The following PTER variants were observed in gnomAD, a reference collection of about 807,000 sequenced individuals.
PTER encodes phosphotriesterase related, also known as N-acetyltaurine hydrolase.
A neutral mutation model predicts 29.6 loss-of-function variants in PTER; 38 were observed. The observed-to-expected ratio is 1.28, with a 90% CI of 0.99 to 1.68. The LOEUF (loss-of-function observed/expected upper bound fraction) is 1.68. PTER is among the 40% of genes most tolerant of loss of function. The probability of loss-of-function intolerance (pLI) is 0.00; values close to 1 mark genes in which losing one functional copy is unlikely to be tolerated. For synonymous variants in PTER, 172 were observed against 154.5 expected (o/e 1.11, Z -0.84); for missense variants, 482 against 427.8 (o/e 1.13, Z -1.12).
chr10:16,482,210 C>T (rs1157400667), intron 1 of PTER, among the ~76,000 whole-genome samples: 1 of 152,202 alleles, frequency 6.6e-6, no homozygotes, highest in African/African-American at 2.4e-5. Flanking sequence ...ATATCGCAAA[C>T]ACCTGAGTTC....
In PTER at chr10:16,461,987, A is replaced by AT. The variant is rs1329900704; in HGVS notation, c.-48-22335dup. On this transcript the variant is annotated intron_variant, in intron 1 of 4. Transcript: ENST00000535784. ...GGAAGCCATGACCGTATTTCCTAGG[A>AT]TTTTTTTTTTTTTTTGAGACGAAGT... 8.6e-3 allele frequency among the ~76,000 whole-genome samples: 1,180 copies of AT among 137,670 alleles called. 11 individuals carry two copies. The highest frequency in any genetic ancestry group is 0.012 in the African/African-American group (460 of 37,594). 90.3% of individuals were successfully genotyped at this position (137,670 alleles called of 152,430 possible).
intron 1 of PTER, among the ~76,000 whole-genome samples, chr10:16,472,565 A>G (rs1835093731): frequency 6.6e-6 from 1 of 152,154 alleles, no homozygotes; most frequent in Admixed American, 6.5e-5. Flanking sequence ...AGTCCTCCCC[A>G]GCCATATGGA....
chr10:16,462,782 G>A (rs7896239), intron 1 of PTER, among the ~76,000 whole-genome samples: 38,556 of 151,248 alleles, frequency 0.25, 5,024 homozygotes, highest in Middle Eastern at 0.39. Context: ...TGTAGGCCAG[G>A]CTGGTCTCAA....
chr10:16,501,711 T>A (rs1404687817), intron 3 of PTER, among the ~76,000 whole-genome samples: 1 of 152,170 alleles, frequency 6.6e-6, no homozygotes, highest in Non-Finnish European at 1.5e-5. Context: ...TTCTGGAAAA[T>A]GTCCTTTGAG....
intron 3 of PTER, among the ~76,000 whole-genome samples, chr10:16,489,545 C>T (rs1049277228): frequency 7.6e-5 from 8 of 105,112 alleles, no homozygotes; most frequent in Non-Finnish European, 1.1e-4. Context: ...TCCTCTTACC[C>T]CTGGTTTTTT....
downstream of PTER, among the ~76,000 whole-genome samples, chr10:16,516,865 T>C (rs1836959915): frequency 6.6e-6 from 1 of 152,196 alleles, no homozygotes; most frequent in Admixed American, 6.5e-5. Flanking sequence ...GTGTGGTTGC[T>C]TTTTAATGAA....
chr10:16,509,774 C>T (rs1588635971), intron 4 of PTER, among the ~76,000 whole-genome samples: 1 of 152,170 alleles, frequency 6.6e-6, no homozygotes, highest in South Asian at 2.1e-4. Context: ...ATCATAGTGG[C>T]ACAAAAGTCA....
At chr10:16,442,736 T>C (rs1224942300) in intron 1 of PTER, among the ~76,000 whole-genome samples, 2 of 152,172 alleles carry the variant, frequency 1.3e-5, no homozygotes, top group Admixed American at 6.5e-5. Context: ...TCCTAGCACT[T>C]TGGGAGACCA....
chr10:16,499,948 G>A lies in PTER; in HGVS notation c.699-5072G>A, dbSNP rs530165530. Among the ~76,000 whole-genome samples the A allele has an allele frequency of 8.0e-5, 12 of 150,422 alleles. No homozygotes were observed. In the East Asian group the frequency reaches 1.8e-3, roughly 22 times the overall value. On this transcript the variant is annotated intron_variant, in intron 3 of 4. Coordinates refer to ENST00000535784, the MANE Select transcript of PTER (RefSeq NM_001261836.2). ...TAGAGGCAGGGTCTCTCTGTGTTTC[G>A]TCTCAAACTCCTGGGCTCAAGCAAC...
At chr10:16,492,391 T>C (rs1437452168) in intron 3 of PTER, among the ~76,000 whole-genome samples, 4 of 152,208 alleles carry the variant, frequency 2.6e-5, no homozygotes, top group Non-Finnish European at 5.9e-5. Flanking sequence ...GTTAAAACTC[T>C]ACCCACGTGT....
chr10:16,493,655 A>C (rs1835986899), intron 3 of PTER, among the ~76,000 whole-genome samples: 1 of 151,810 alleles, frequency 6.6e-6, no homozygotes. Flanking sequence ...TTCTCTCAAC[A>C]TGCAGAACGT....
chr10:16,471,555 T>C (rs1025195785), intron 1 of PTER, among the ~76,000 whole-genome samples: 1 of 152,222 alleles, frequency 6.6e-6, no homozygotes, highest in Non-Finnish European at 1.5e-5. Context: ...TATGTGTAGA[T>C]ACATACACTC....
chr10:16,455,665 T>C (rs1392918472), intron 1 of PTER, among the ~76,000 whole-genome samples: 1 of 152,204 alleles, frequency 6.6e-6, no homozygotes, highest in Non-Finnish European at 1.5e-5. Context: ...CACTCTAGCC[T>C]GGGCAACAGA....
rs1019501879 is a variant in PTER at position 16,453,371 on chromosome 10, C to CAT, written c.-49+16332_-49+16333dup. ...GCATATATACAGACACACATATATACATATATATAATACATATATGCCTAG... is the reference window on the plus strand; with the variant it reads ...GCATATATACAGACACACATATATACATATATATATAATACATATATGCCTAG... On this transcript the variant is annotated intron_variant, in intron 1 of 4. Coordinates refer to ENST00000535784, the MANE Select transcript of PTER (RefSeq NM_001261836.2). Among the ~76,000 whole-genome samples, 4 of 152,132 alleles carry CAT rather than the reference C, an allele frequency of 2.6e-5. No homozygotes were observed. In the East Asian group the frequency reaches 7.7e-4, roughly 29 times the overall value.
rs2133532021 is a variant in PTER at position 16,512,981 on chromosome 10, GTC to G, written c.*1726_*1727del. The stretch of plus-strand genomic sequence containing the variant: ...TATTACTCTCCAAATCTACTGTACT[GTC>G]AGCTTCACTCCACCTGAGAAAAAAG... On this transcript the variant is annotated 3_prime_UTR_variant, in exon 5 of 5. Coordinates refer to ENST00000535784, the MANE Select transcript of PTER (RefSeq NM_001261836.2). The G allele has an allele frequency of 6.6e-6, 1 of 152,458 alleles. No individual in the cohort carries two copies. Among genetic ancestry groups the G allele is most frequent in the South Asian group, 2.1e-4 (1 of 4,804 alleles). The allele number at this position is 152,458 out of a possible 1,614,324, so 9.4% of individuals were successfully genotyped here. A position where few individuals can be genotyped will look rare whatever the true frequency, so the allele number is the denominator to read the frequency against.
At chr10:16,505,664 ATG>A (rs896667408) in intron 4 of PTER, among the ~76,000 whole-genome samples, 70 of 152,346 alleles carry the variant, frequency 4.6e-4, no homozygotes, top group African/African-American at 1.5e-3. Flanking sequence ...AAACTGTATA[ATG>A]TGTGATGCTG....
At chr10:16,465,799 G>C (rs1834788721) in intron 1 of PTER, among the ~76,000 whole-genome samples, 1 of 152,082 alleles carries the variant, frequency 6.6e-6, no homozygotes, top group Admixed American at 6.5e-5. Flanking sequence ...TGGCTGGGGA[G>C]GCCTCAGGAA....
At chr10:16,506,788 G>A (rs570622908) in intron 4 of PTER, among the ~76,000 whole-genome samples, 8 of 152,118 alleles carry the variant, frequency 5.3e-5, no homozygotes, top group Admixed American at 5.2e-4. Flanking sequence ...TGGATTTAGG[G>A]CAGCACTGTG....
chr10:16,516,790 T>C (rs2133538383), downstream of PTER, among the ~76,000 whole-genome samples: 1 of 152,352 alleles, frequency 6.6e-6, no homozygotes, highest in South Asian at 2.1e-4. Context: ...GCGAATGCAT[T>C]AGAGTGATTC....
Sources: gnomAD v4.1 joint callset for allele counts (sites outside exome capture counted in the v4.1 genomes callset) on GRCh38, gnomAD v4.1.1 for gene constraint, MANE v1.5 for transcripts, NCBI Gene and HGNC (gene_info 2026-07-23, HGNC 2026-07-21) for gene names.